Variants in HECW1 observed in about 807,000 individuals in gnomAD.
HECW1 encodes the protein E3 ubiquitin-protein ligase HECW1.
Under a neutral mutation model 182.3 loss-of-function variants are expected in HECW1, and 61 were observed. The ratio of observed to expected loss-of-function variants is 0.33; its 90% CI spans 0.27 to 0.41. The LOEUF (loss-of-function observed/expected upper bound fraction) is 0.41. Ranked by LOEUF, HECW1 falls within the 10% of genes least tolerant of loss-of-function variation. The pLI, the probability that HECW1 is intolerant of heterozygous loss-of-function variation, is 1.00. For synonymous variants in HECW1, 859 were observed against 832.6 expected, an observed-to-expected ratio of 1.03 and a Z score of -0.55; for missense variants, 1,739 against 2,108.9, an observed-to-expected ratio of 0.82 and a Z score of 3.44.
intron 8 of HECW1, among the ~76,000 whole-genome samples, chr7:43,416,541 C>T (rs1437781889): frequency 2.6e-5 from 4 of 152,194 alleles, no homozygotes; most frequent in African/African-American, 9.6e-5. Flanking sequence ...CCTCCTTGAG[C>T]TGTGGTGGGC....
chr7:43,547,457 G>A (rs1401628239), intron 26 of HECW1, among the ~76,000 whole-genome samples: 2 of 152,068 alleles, frequency 1.3e-5, no homozygotes, highest in African/African-American at 4.8e-5. Context: ...TGAGGCAGGA[G>A]AGTCGCTTGA....
At chr7:43,221,143 G>A (rs1288480474) in intron 2 of HECW1, among the ~76,000 whole-genome samples, 1 of 152,140 alleles carries the variant, frequency 6.6e-6, no homozygotes, top group Non-Finnish European at 1.5e-5. Context: ...TTGTTACTTG[G>A]ATCCCTTATC....
Position 43,318,048 on chromosome 7 carries a change from G to A in HECW1, c.353-2587G>A, listed in dbSNP as rs530471882. Among the ~76,000 whole-genome samples, 6 of 152,278 alleles carry A rather than the reference G, an allele frequency of 3.9e-5. No homozygotes were observed. In the East Asian group the frequency reaches 1.2e-3, roughly 29 times the overall value. ...CATAGACCGTGACTTGTTCACCAGT[G>A]TATCCCCAGGGTTTAGCACTATGTC... On this transcript the variant is annotated intron_variant, in intron 4 of 29. Transcript: ENST00000395891.
chr7:43,139,813 A>AG (rs35638251), intron 2 of HECW1, among the ~76,000 whole-genome samples: 67,228 of 151,868 alleles, frequency 0.44, 14,971 homozygotes, highest in East Asian at 0.46. Flanking sequence ...CTTTGGAAAA[A>AG]GGGCAAATTT....
chr7:43,488,393 AGG>A lies in HECW1; in HGVS notation c.3235-3681_3235-3680del, dbSNP rs1563045264. On this transcript the variant is annotated intron_variant, in intron 17 of 29. Coordinates refer to ENST00000395891, the MANE Select transcript of HECW1 (RefSeq NM_015052.5). ...AAGGAAGGAAGGAAGGAAGGAAGGAAGGAAGGAAATGAAAGAAAGAGAGAGAG... is the reference window on the plus strand; with the variant it reads ...AAGGAAGGAAGGAAGGAAGGAAGGAAAAGGAAATGAAAGAAAGAGAGAGAG... Among the ~76,000 whole-genome samples the A allele has an allele frequency of 6.1e-4, 76 of 125,510 alleles. 1 individual carries two copies. The highest frequency in any genetic ancestry group is 1.1e-3 in the East Asian group (5 of 4,420). 82.3% of individuals were successfully genotyped at this position (125,510 alleles called of 152,430 possible).
At chr7:43,407,827 A>C in intron 8 of HECW1, 96 bp downstream of exon 8, 1 of 1,096,834 alleles carries the variant, frequency 9.1e-7, no homozygotes. Context: ...GGAGCCCTGG[A>C]CTCTGCTGCT....
Position 43,501,206 on chromosome 7 carries a change from T to TAAA in HECW1, c.3522-6_3522-5insAAA. The TAAA allele has an allele frequency of 6.7e-6, 6 of 899,246 alleles. No homozygotes were observed. Among genetic ancestry groups the TAAA allele is most frequent in the Non-Finnish European group, 1.1e-5 (6 of 570,066 alleles). The allele number at this position is 899,246 out of a possible 1,614,324, so 55.7% of individuals were successfully genotyped here. A position where few individuals can be genotyped will look rare whatever the true frequency, so the allele number is the denominator to read the frequency against. The stretch of plus-strand genomic sequence containing the variant: ...TTCTTTTTTTTTTTTTTTTTTTTCA[T>TAAA]ATGCAGTCTCTTTGAAGAAGAGATT... On this transcript the variant is annotated splice_polypyrimidine_tract_variant and splice_region_variant and intron_variant, in intron 20 of 29. Transcript: ENST00000395891.
At chr7:43,400,683 T>C (rs2152840383) in intron 7 of HECW1, among the ~76,000 whole-genome samples, 1 of 152,306 alleles carries the variant, frequency 6.6e-6, no homozygotes, top group African/African-American at 2.4e-5. Flanking sequence ...TTTTTAAAGC[T>C]TGCAAAAATA....
At chr7:43,522,901 A>G in intron 24 of HECW1, 1 of 308,700 alleles carries the variant, frequency 3.2e-6, no homozygotes, top group Non-Finnish European at 6.6e-6. Flanking sequence ...TGCTTCCCTA[A>G]TATTTATTCC....
intron 6 of HECW1, among the ~76,000 whole-genome samples, chr7:43,377,591 G>A (rs750825080): frequency 5.3e-5 from 8 of 152,066 alleles, no homozygotes; most frequent in Non-Finnish European, 2.9e-5. Context: ...TCCTGAAAGA[G>A]TCCAAAAAAT....
intron 24 of HECW1, among the ~76,000 whole-genome samples, chr7:43,537,797 A>T (rs566848580): frequency 4.9e-4 from 54 of 109,142 alleles, no homozygotes; most frequent in African/African-American, 1.3e-3. Context: ...TATTTTTTTT[A>T]AAAAAGCTAT....
intron 2 of HECW1, among the ~76,000 whole-genome samples, chr7:43,218,438 C>A (rs904242964): frequency 6.6e-6 from 1 of 152,126 alleles, no homozygotes; most frequent in Admixed American, 6.5e-5. Flanking sequence ...ATCTTGGATG[C>A]ACATCTTTAT....
At chr7:43,404,655 A>T (rs1285210564) in intron 7 of HECW1, among the ~76,000 whole-genome samples, 2 of 152,216 alleles carry the variant, frequency 1.3e-5, no homozygotes, top group Non-Finnish European at 2.9e-5. Flanking sequence ...TGACATTTTT[A>T]TAAAAAGACA....
At chr7:43,176,319 A>G (rs1487399756) in intron 2 of HECW1, among the ~76,000 whole-genome samples, 2 of 152,362 alleles carry the variant, frequency 1.3e-5, no homozygotes, top group South Asian at 2.1e-4. Context: ...CAGAACTTCA[A>G]TAAGAGGTCG....
chr7:43,361,715 C>A (rs1231479308), intron 6 of HECW1, among the ~76,000 whole-genome samples: 1 of 151,428 alleles, frequency 6.6e-6, no homozygotes, highest in Non-Finnish European at 1.5e-5. Flanking sequence ...AAATGGCATT[C>A]CTTTTCCTTT....
At chr7:43,466,024 GA>G in intron 14 of HECW1, among the ~76,000 whole-genome samples, 1 of 42,232 alleles carries the variant, frequency 2.4e-5, no homozygotes, top group Non-Finnish European at 4.6e-5. Flanking sequence ...GGGACAGAGG[GA>G]AGGAAGGAAG....
Position 43,311,888 on chromosome 7 carries a change from G to A in HECW1, c.153G>A (p.Met51Ile). ...ACAACCCCGACCAGTTCCACAACAT[G>A]GACCTCAGGGGCGGCCCCCACGATG... Reference protein sequence around the residue: ...YSYNPDQFHNMDLRGGPHDGV... With the variant: ...YSYNPDQFHNIDLRGGPHDGV... Residue 51 changes from methionine (M) to isoleucine (I), a missense_variant, in exon 4 of 30, where the codon ATG becomes ATA. Transcript: ENST00000395891. 3 of 1,614,210 alleles carry A rather than the reference G, an allele frequency of 1.9e-6. No homozygotes were observed. Among genetic ancestry groups the A allele is most frequent in the South Asian group, 2.2e-5 (2 of 91,080 alleles).
chr7:43,199,590 A>C (rs571717767), intron 2 of HECW1, among the ~76,000 whole-genome samples: 1 of 152,194 alleles, frequency 6.6e-6, no homozygotes, highest in Non-Finnish European at 1.5e-5. Context: ...AAATAAGTAC[A>C]TAGTGGGAAT....
At chr7:43,232,167 C>G (rs1470886049) in intron 2 of HECW1, among the ~76,000 whole-genome samples, 4 of 151,954 alleles carry the variant, frequency 2.6e-5, no homozygotes, top group Non-Finnish European at 2.9e-5. Flanking sequence ...AAGTAGAGGA[C>G]CTGGTTGATT....
Sources: gnomAD v4.1 joint callset for allele counts (sites outside exome capture counted in the v4.1 genomes callset) on GRCh38, gnomAD v4.1.1 for gene constraint, MANE v1.5 for transcripts, NCBI Gene and HGNC (gene_info 2026-07-23, HGNC 2026-07-21) for gene names.